The following SYNPR variants were observed in gnomAD, a reference collection of about 807,000 sequenced individuals.
SYNPR encodes the protein synaptoporin.
Under a neutral mutation model 32.9 loss-of-function variants are expected in SYNPR, and 23 were observed. The observed-to-expected ratio is 0.70, with a 90% CI of 0.50 to 0.99. SYNPR has a LOEUF of 0.99. Ranked by LOEUF, SYNPR falls within the 50% of genes least tolerant of loss-of-function variation. The pLI, the probability that SYNPR is intolerant of heterozygous loss-of-function variation, is 0.00. For synonymous variants in SYNPR, 146 were observed against 135.9 expected, an observed-to-expected ratio of 1.07 and a Z score of -0.52; for missense variants, 318 against 349.3, an observed-to-expected ratio of 0.91 and a Z score of 0.71.
chr3:63,445,061 C>A (rs1320294843), intron 2 of SYNPR, among the ~76,000 whole-genome samples: 1 of 151,974 alleles, frequency 6.6e-6, no homozygotes, highest in Non-Finnish European at 1.5e-5. Flanking sequence ...CTCCCCAACA[C>A]ACACACATCC....
At chr3:63,365,327 G>A (rs2107041726) in intron 2 of SYNPR, among the ~76,000 whole-genome samples, 1 of 152,282 alleles carries the variant, frequency 6.6e-6, no homozygotes, top group East Asian at 1.9e-4. Context: ...ATGGTCCCCA[G>A]GGTTCCATAG....
intron 3 of SYNPR, among the ~76,000 whole-genome samples, chr3:63,486,246 G>A (rs939959431): frequency 6.6e-6 from 1 of 152,100 alleles, no homozygotes; most frequent in South Asian, 2.1e-4. Flanking sequence ...TTCTCTCACC[G>A]CTGGAACCTG....
At chr3:63,486,886 G>A (rs986250600) in intron 3 of SYNPR, among the ~76,000 whole-genome samples, 1 of 152,082 alleles carries the variant, frequency 6.6e-6, no homozygotes, top group Admixed American at 6.6e-5. Context: ...TCATAGTAGG[G>A]TGTCCTTCAA....
Position 63,476,290 on chromosome 3 carries a change from GA to G in SYNPR, c.85-4540del, listed in dbSNP as rs754314424. On this transcript the variant is annotated intron_variant, in intron 2 of 5. Coordinates refer to ENST00000478300, the MANE Select transcript of SYNPR (RefSeq NM_001130003.2). ...AAGGAAGGGAGGGAGGGAAGGAAGG[GA>G]AGGGAGGGAAGGAAGGGAAGGGAGG... Among the ~76,000 whole-genome samples the G allele has an allele frequency of 7.2e-3, 287 of 39,588 alleles. 5 individuals are homozygous for G. Among genetic ancestry groups the G allele is most frequent in the Non-Finnish European group, 9.1e-3 (162 of 17,744 alleles). The allele number at this position is 39,588 out of a possible 152,430, so 26.0% of individuals were successfully genotyped here.
At chr3:63,535,804 C>T (rs1279902029) in intron 3 of SYNPR, among the ~76,000 whole-genome samples, 1 of 151,292 alleles carries the variant, frequency 6.6e-6, no homozygotes, top group African/African-American at 2.4e-5. Context: ...GAACATAGAC[C>T]ATGTAAGAGC....
intron 2 of SYNPR, among the ~76,000 whole-genome samples, chr3:63,434,311 G>C (rs573620971): frequency 1.3e-5 from 2 of 152,218 alleles, no homozygotes; most frequent in Non-Finnish European, 2.9e-5. Flanking sequence ...CTTTAGGAGA[G>C]AGAGTACATT....
rs1559516355 is a variant in SYNPR at position 63,494,446 on chromosome 3, T to TACGTATATATATAC, written c.209+13492_209+13493insGTATATATATACAC. ...ATATATATATATACGTATATATATA[T>TACGTATATATATAC]ACACATATATATACATATATACACA... On this transcript the variant is annotated intron_variant, in intron 3 of 5. Transcript: ENST00000478300. Among the ~76,000 whole-genome samples the TACGTATATATATAC allele has an allele frequency of 3.1e-4, 33 of 106,850 alleles. 1 individual carries two copies. Among genetic ancestry groups the TACGTATATATATAC allele is most frequent in the Admixed American group, 1.4e-3 (14 of 9,908 alleles). 70.1% of individuals were successfully genotyped at this position (106,850 alleles called of 152,430 possible). A position where few individuals can be genotyped will look rare whatever the true frequency, so the allele number is the denominator to read the frequency against.
intron 2 of SYNPR, among the ~76,000 whole-genome samples, chr3:63,280,041 A>T (rs955493779): frequency 5.3e-5 from 8 of 152,192 alleles, no homozygotes; most frequent in Non-Finnish European, 1.0e-4. Context: ...CCATTCAATA[A>T]ATATTTCCTG....
chr3:63,598,286 A>G (rs574404342), intron 4 of SYNPR, among the ~76,000 whole-genome samples: 58 of 152,328 alleles, frequency 3.8e-4, no homozygotes, highest in Admixed American at 1.6e-3. Context: ...TTCTGTCACC[A>G]AAGATGACTC....
intron 3 of SYNPR, chr3:63,545,450 A>G (rs1381797204): frequency 6.6e-6 from 1 of 152,146 alleles, no homozygotes; most frequent in African/African-American, 2.4e-5. Flanking sequence ...GTCTACAGCC[A>G]TACCACCCTG....
In SYNPR at chr3:63,498,159, ACTAGTCCAT is replaced by A. The variant is rs142055661; in HGVS notation, c.209+17206_209+17214del. ...TAGGGTGCTTGCCCTCAGCAACAGA[ACTAGTCCAT>A]CTTTAGCTATGTTTGCGATCTAAGG... is the stretch of plus-strand genomic sequence containing the variant. On this transcript the variant is annotated intron_variant, in intron 3 of 5. Transcript: ENST00000478300. Among the ~76,000 whole-genome samples the A allele has an allele frequency of 8.2e-3, 1,256 of 152,250 alleles. 50 individuals carry two copies. The East Asian group carries it at 0.13, about 16-fold the overall frequency.
At chr3:63,500,513 C>G (rs190825026) in intron 3 of SYNPR, among the ~76,000 whole-genome samples, 4 of 152,200 alleles carry the variant, frequency 2.6e-5, no homozygotes, top group Admixed American at 2.0e-4. Context: ...CAAAGTGTGT[C>G]AAAATGGTTG....
At chr3:63,524,854 T>TGTGC (rs1553643532) in intron 3 of SYNPR, among the ~76,000 whole-genome samples, 216 of 74,360 alleles carry the variant, frequency 2.9e-3, no homozygotes, top group African/African-American at 0.011. Flanking sequence ...TGTGTGTGCA[T>TGTGC]GTGTGTGTGT....
At chr3:63,593,151 C>T (rs1461206559) in intron 4 of SYNPR, among the ~76,000 whole-genome samples, 3 of 152,052 alleles carry the variant, frequency 2.0e-5, no homozygotes, top group Non-Finnish European at 4.4e-5. Context: ...CAGCACCTGA[C>T]CCATAGTAAA....
intron 2 of SYNPR, among the ~76,000 whole-genome samples, chr3:63,480,329 T>G (rs192561180): frequency 7.9e-5 from 12 of 152,234 alleles, no homozygotes; most frequent in Admixed American, 4.6e-4. Flanking sequence ...ACTCACCTAC[T>G]CTTCCTCAAA....
At chr3:63,440,249 G>A (rs1017541066) in intron 2 of SYNPR, among the ~76,000 whole-genome samples, 6 of 152,142 alleles carry the variant, frequency 3.9e-5, no homozygotes, top group Non-Finnish European at 8.8e-5. Context: ...AATAGCTAGC[G>A]CAAAGGCATG....
At chr3:63,490,787 G>A (rs1270128210) in intron 3 of SYNPR, among the ~76,000 whole-genome samples, 2 of 152,006 alleles carry the variant, frequency 1.3e-5, no homozygotes, top group Non-Finnish European at 2.9e-5. Context: ...GTTTGAGATG[G>A]AGTCTCACTC....
chr3:63,261,633 G>A (rs1575579301), intron 2 of SYNPR, among the ~76,000 whole-genome samples: 1 of 146,998 alleles, frequency 6.8e-6, no homozygotes, highest in East Asian at 2.0e-4. Flanking sequence ...GAGTTAATGG[G>A]TGCAGCACAC....
intron 2 of SYNPR, among the ~76,000 whole-genome samples, chr3:63,409,092 G>A (rs966215138): frequency 6.6e-6 from 1 of 151,946 alleles, no homozygotes; most frequent in African/African-American, 2.4e-5. Flanking sequence ...CTTTCTTCTT[G>A]TTCCAATGTT....
Sources: allele counts gnomAD v4.1 joint callset (sites outside exome capture counted in the v4.1 genomes callset), GRCh38; gene constraint gnomAD v4.1.1; transcripts MANE v1.5; gene names NCBI Gene and HGNC (gene_info 2026-07-23, HGNC 2026-07-21).